Variants in CALN1 observed in about 807,000 individuals in gnomAD.
CALN1 encodes the protein calcium-binding protein 8.
CALN1 carries 17 observed loss-of-function variants against 30.6 expected under a neutral mutation model. The observed-to-expected ratio is 0.56, with a 90% CI of 0.38 to 0.83. The LOEUF is 0.83. CALN1 is among the 40% of genes least tolerant of loss of function. CALN1 has a pLI of 0.00. For synonymous variants in CALN1, 156 were observed against 131.4 expected (o/e 1.19, Z -1.28); for missense variants, 291 against 354.9 (o/e 0.82, Z 1.45).
At chr7:72,391,047 C>T (rs1443205686) in intron 2 of CALN1, among the ~76,000 whole-genome samples, 1 of 152,158 alleles carries the variant, frequency 6.6e-6, no homozygotes, top group Non-Finnish European at 1.5e-5. Flanking sequence ...TCCAGTTACT[C>T]CCAAGCCTTC....
At chr7:71,967,024 T>A (rs2129525956) in intron 5 of CALN1, among the ~76,000 whole-genome samples, 1 of 152,336 alleles carries the variant, frequency 6.6e-6, no homozygotes, top group East Asian at 1.9e-4. Context: ...TGGTTTTTAT[T>A]GAGAACTGTT....
chr7:71,850,483 G>A (rs938347991), intron 5 of CALN1, among the ~76,000 whole-genome samples: 12 of 152,182 alleles, frequency 7.9e-5, no homozygotes, highest in African/African-American at 2.9e-4. Flanking sequence ...TTCCCAAAGC[G>A]CTGGGATTAC....
chr7:72,325,502 G>A (rs1473086494), intron 2 of CALN1, among the ~76,000 whole-genome samples: 1 of 152,160 alleles, frequency 6.6e-6, no homozygotes, highest in Admixed American at 6.5e-5. Context: ...TTGGGAGGCT[G>A]AGGCACAAGA....
chr7:72,365,924 C>A (rs1432429143), intron 2 of CALN1, among the ~76,000 whole-genome samples: 3 of 152,112 alleles, frequency 2.0e-5, no homozygotes, highest in South Asian at 4.1e-4. Context: ...GGAAATTGGA[C>A]AAGTATCAAA....
At chr7:72,211,695 G>A (rs1289121027) in intron 3 of CALN1, among the ~76,000 whole-genome samples, 1 of 152,154 alleles carries the variant, frequency 6.6e-6, no homozygotes, top group Non-Finnish European at 1.5e-5. Context: ...TGTTCCTATT[G>A]ACGGTCCCTG....
At chr7:72,133,618 T>G (rs1289082779) in intron 3 of CALN1, among the ~76,000 whole-genome samples, 1 of 152,192 alleles carries the variant, frequency 6.6e-6, no homozygotes. Context: ...AGTTTCAAAG[T>G]ATTTTCCCAC....
At chr7:72,172,317 T>C (rs1362868820) in intron 3 of CALN1, among the ~76,000 whole-genome samples, 4 of 152,178 alleles carry the variant, frequency 2.6e-5, no homozygotes, top group African/African-American at 9.7e-5. Flanking sequence ...AGGGAGTGCT[T>C]TGATACCTTC....
chr7:71,896,832 C>T (rs1181521359), intron 5 of CALN1, among the ~76,000 whole-genome samples: 1 of 152,144 alleles, frequency 6.6e-6, no homozygotes, highest in Non-Finnish European at 1.5e-5. Context: ...AGCTGCAGTT[C>T]CCTGATAGCA....
At chr7:72,337,782 C>G (rs1914382) in intron 2 of CALN1, 150,129 of 152,592 alleles carry the variant, frequency 0.98, 73,894 homozygotes, top group Middle Eastern at 1. Context: ...CACCCACCAG[C>G]GATCCCACTC....
intron 5 of CALN1, among the ~76,000 whole-genome samples, chr7:71,862,671 A>G (rs1362619373): frequency 6.6e-6 from 1 of 152,202 alleles, no homozygotes; most frequent in Non-Finnish European, 1.5e-5. Context: ...CCACTCTTGT[A>G]ATTGCTAGGA....
intron 3 of CALN1, among the ~76,000 whole-genome samples, chr7:72,194,242 A>C (rs1790828941): frequency 6.6e-6 from 1 of 152,232 alleles, no homozygotes; most frequent in African/African-American, 2.4e-5. Flanking sequence ...ACCAAGGCTA[A>C]AACTCAGTGC....
At chr7:72,472,659 G>T in the CALN1 span, among the ~76,000 whole-genome samples, 1 of 152,150 alleles carries the variant, frequency 6.6e-6, no homozygotes, top group Admixed American at 6.5e-5. Context: ...GCGGGCGCCT[G>T]TAGTCTCAGC....
intron 3 of CALN1, among the ~76,000 whole-genome samples, chr7:72,233,193 GAAAAA>G (rs200734987): frequency 8.5e-6 from 1 of 117,858 alleles, no homozygotes; most frequent in African/African-American, 3.1e-5. Flanking sequence ...CTGTAAAAAG[GAAAAA>G]AAAAAAAAAA....
Position 71,794,506 on chromosome 7 carries a change from A to G in CALN1, c.659-6604T>C, listed in dbSNP as rs148627580. 2.5e-3 allele frequency among the ~76,000 whole-genome samples: 379 copies of G among 152,342 alleles called. 2 individuals are homozygous for G. Among genetic ancestry groups the G allele is most frequent in the African/African-American group, 7.9e-3 (329 of 41,576 alleles). ...CTTCTTCTCCTAATTGCCACTTAGA[A>G]GCCCCGGACAAATGAAGGAACTTCT... On this transcript the variant is annotated intron_variant, in intron 6 of 6. Coordinates refer to ENST00000395275, the MANE Select transcript of CALN1 (RefSeq NM_031468.4).
intron 6 of CALN1, among the ~76,000 whole-genome samples, chr7:71,806,719 GA>G (rs879597214): frequency 7.7e-5 from 11 of 143,088 alleles, no homozygotes; most frequent in Non-Finnish European, 1.1e-4. Context: ...TGGTCTGAAG[GA>G]CCCCCCCCCA....
chr7:72,249,768 C>A (rs567865563), intron 3 of CALN1, among the ~76,000 whole-genome samples: 1 of 152,072 alleles, frequency 6.6e-6, no homozygotes, highest in East Asian at 1.9e-4. Context: ...TAAAGCCTGT[C>A]TCTACAAAAA....
At chr7:72,253,155 T>C (rs79505358) in intron 3 of CALN1, among the ~76,000 whole-genome samples, 2,481 of 152,294 alleles carry the variant, frequency 0.016, 64 homozygotes, top group African/African-American at 0.056. Flanking sequence ...CTCTGTCTGA[T>C]TGATCATTTT....
intron 2 of CALN1, among the ~76,000 whole-genome samples, chr7:72,375,994 G>C (rs964519797): frequency 1.3e-5 from 2 of 151,998 alleles, no homozygotes; most frequent in Non-Finnish European, 2.9e-5. Context: ...CTCATAATTA[G>C]AATCATACCA....
At chr7:71,914,879 AC>A (rs1408361695) in intron 5 of CALN1, among the ~76,000 whole-genome samples, 2 of 152,194 alleles carry the variant, frequency 1.3e-5, no homozygotes, top group African/African-American at 4.8e-5. Context: ...TCGTTTGCCC[AC>A]TTTTTTATTA....
Sources: allele counts gnomAD v4.1 joint callset (sites outside exome capture counted in the v4.1 genomes callset), GRCh38; gene constraint gnomAD v4.1.1; transcripts MANE v1.5; gene names NCBI Gene and HGNC (gene_info 2026-07-23, HGNC 2026-07-21).